MTA1: variants seen among roughly 807,000 people sequenced by gnomAD.
The protein encoded by MTA1 is metastasis-associated protein MTA1.
MTA1 carries 15 observed loss-of-function variants against 97.0 expected under a neutral mutation model. The observed-to-expected ratio is 0.15, with a 90% CI of 0.10 to 0.24. The LOEUF is 0.24. Ranked by LOEUF, MTA1 falls within the 10% of genes least tolerant of loss-of-function variation. MTA1 has a pLI of 1.00. For missense variants in MTA1, 709 were observed against 1,015.1 expected (o/e 0.70, Z 4.10); for synonymous variants, 435 against 417.5 (o/e 1.04, Z -0.51).
intron 1 of MTA1, among the ~76,000 whole-genome samples, chr14:105,426,443 G>A (rs943449113): frequency 6.6e-6 from 1 of 152,074 alleles, no homozygotes; most frequent in Non-Finnish European, 1.5e-5. Flanking sequence ...TCAGGTATGG[G>A]GCACACCTGA....
chr14:105,470,422 G>GC lies in MTA1; in HGVS notation c.*208dup. 2.0e-6 allele frequency: 1 copy of GC among 501,250 alleles called. No homozygotes were observed. Among genetic ancestry groups the GC allele is most frequent in the Non-Finnish European group, 3.4e-6 (1 of 296,964 alleles). The allele number at this position is 501,250 out of a possible 1,614,324, so 31.1% of individuals were successfully genotyped here. A position where few individuals can be genotyped will look rare whatever the true frequency, so the allele number is the denominator to read the frequency against. Reference sequence around the variant, plus strand: ...GAATGCCGAGGAGTTGTCGTTTTTAGCTTTGTGTTTACTTTTTGGCTGGAG... The same window carrying GC: ...GAATGCCGAGGAGTTGTCGTTTTTAGCCTTTGTGTTTACTTTTTGGCTGGAG... On this transcript the variant is annotated 3_prime_UTR_variant, in exon 21 of 21. Coordinates refer to ENST00000331320, the MANE Select transcript of MTA1 (RefSeq NM_004689.4).
At chr14:105,437,795 T>C (rs2082378416) in intron 1 of MTA1, among the ~76,000 whole-genome samples, 1 of 152,180 alleles carries the variant, frequency 6.6e-6, no homozygotes, top group Non-Finnish European at 1.5e-5. Flanking sequence ...CGTGAGGACA[T>C]GGCCTCAGTG....
intron 1 of MTA1, among the ~76,000 whole-genome samples, chr14:105,425,663 TCCACCC>T (rs2081986219): frequency 1.3e-5 from 2 of 151,492 alleles, no homozygotes; most frequent in African/African-American, 4.9e-5. Flanking sequence ...TGCTGGTGTC[TCCACCC>T]CCACCCCCAC....
chr14:105,453,855 C>T (rs1209587470), intron 6 of MTA1, among the ~76,000 whole-genome samples: 1 of 151,336 alleles, frequency 6.6e-6, no homozygotes, highest in Admixed American at 6.6e-5. Context: ...TGGGCTGTAG[C>T]CGTATCCACC....
In MTA1 at chr14:105,449,400, G is replaced by C. The variant is rs782756415; in HGVS notation, c.232G>C (p.Gly78Arg). The change falls in exon 4 of 21, where the codon GGC (glycine) becomes CGC (arginine). Residue 78 changes from glycine (G) to arginine (R), a missense_variant. Gly to Arg is a moderately radical substitution (Grantham distance 125). Around this residue, in one of 2 missense-constraint regions of MTA1, gnomAD observed 321 missense variants for 593.5 expected, o/e 0.54. Coordinates refer to ENST00000331320, the MANE Select transcript of MTA1 (RefSeq NM_004689.4). ...TAAGGCCGGACCGGGGGCGGACAAC[G>C]GCGAGGAAGGTAAGAGCCGGCCTCC... is the stretch of plus-strand genomic sequence containing the variant. ...CYKAGPGADN[G>R]EEGEIEEEME... 1 of 1,611,770 alleles carries C rather than the reference G, an allele frequency of 6.2e-7. No individual in the cohort carries two copies. Among genetic ancestry groups the C allele is most frequent in the African/African-American group, 1.3e-5 (1 of 74,896 alleles).
intron 10 of MTA1, among the ~76,000 whole-genome samples, chr14:105,462,462 G>A (rs964335034): frequency 9.3e-5 from 14 of 151,106 alleles, no homozygotes; most frequent in African/African-American, 2.7e-4. Flanking sequence ...CCAGCTACTC[G>A]GGAGACAGAG....
intron 1 of MTA1, among the ~76,000 whole-genome samples, chr14:105,431,923 G>A (rs1378475243): frequency 6.6e-6 from 1 of 152,204 alleles, no homozygotes; most frequent in African/African-American, 2.4e-5. Context: ...ACTACACCCG[G>A]CCTGTGGAAA....
intron 1 of MTA1, among the ~76,000 whole-genome samples, chr14:105,427,351 A>G (rs960244905): frequency 6.6e-6 from 1 of 152,054 alleles, no homozygotes; most frequent in African/African-American, 2.4e-5. Context: ...TGCTTCTTGC[A>G]TTTGGGGGCT....
At position 105,466,514 on chromosome 14, in the gene MTA1, C is replaced by T. The variant is rs1595424882; in HGVS notation, c.1713C>T (p.Val571=). Residue 571 remains valine (V), a synonymous_variant, in exon 17 of 21, where the codon GTC becomes GTT. Coordinates refer to ENST00000331320, the MANE Select transcript of MTA1 (RefSeq NM_004689.4). Reference sequence around the variant, plus strand: ...TGACGCCCGCCAAGGTGGCCCCCGTCATCAACAACGGCTCCCCCACCATCC... The same window carrying T: ...TGACGCCCGCCAAGGTGGCCCCCGTTATCAACAACGGCTCCCCCACCATCC... ...SSLTPAKVAP[V]INNGSPTILG... 1.9e-6 allele frequency: 3 copies of T among 1,592,656 alleles called. No individual in the cohort carries two copies. The highest frequency in any genetic ancestry group is 2.6e-6 in the Non-Finnish European group (3 of 1,170,606).
intron 18 of MTA1, chr14:105,467,863 T>C: frequency 4.1e-6 from 1 of 241,492 alleles, no homozygotes; most frequent in Non-Finnish European, 8.3e-6. Context: ...GAGCTTTTTG[T>C]TTTGTTTTGT....
At chr14:105,467,380 C>T (rs920128806) in intron 18 of MTA1, 15 of 454,830 alleles carry the variant, frequency 3.3e-5, no homozygotes, top group African/African-American at 2.2e-4. Flanking sequence ...CTTTCACTGA[C>T]GGTGCTGGCC....
intron 1 of MTA1, among the ~76,000 whole-genome samples, chr14:105,433,392 C>T (rs2082238133): frequency 6.6e-6 from 1 of 152,220 alleles, no homozygotes; most frequent in African/African-American, 2.4e-5. Context: ...TGCCACAAGG[C>T]ACCGCGGTAC....
intron 1 of MTA1, among the ~76,000 whole-genome samples, chr14:105,426,375 CAAAAAAAAA>C (rs781801650): frequency 9.6e-6 from 1 of 104,094 alleles, no homozygotes; most frequent in African/African-American, 4.0e-5. Context: ...CTTCGTCTCA[CAAAAAAAAA>C]AAAAAAAAAA....
At chr14:105,426,487 C>G (rs1555422300) in intron 1 of MTA1, among the ~76,000 whole-genome samples, 1 of 151,906 alleles carries the variant, frequency 6.6e-6, no homozygotes, top group African/African-American at 2.4e-5. Flanking sequence ...CTTCAGAGGA[C>G]AGCAAGGGCG....
intron 16 of MTA1, chr14:105,465,396 G>A (rs1205906163): frequency 4.9e-6 from 2 of 404,848 alleles, no homozygotes; most frequent in East Asian, 7.4e-5. Context: ...GGGTCGTGAT[G>A]GGGCCCAGTG....
At position 105,464,448 on chromosome 14, in the gene MTA1, C is replaced by G; in HGVS notation, c.1225C>G (p.Pro409Ala). The stretch of plus-strand genomic sequence containing the variant: ...GTCTTACCAGTGGTATTCTTGGGGT[C>G]CCCCTAACATGCAGTGTCGTCTCTG... ...TQSYQWYSWG[P>A]PNMQCRLCAS... The change falls in exon 14 of 21, where the codon CCC (proline) becomes GCC (alanine). Residue 409 changes from proline (P) to alanine (A), a missense_variant. Physicochemically the swap from Pro to Ala is conservative, Grantham distance 27. This residue lies in a region of MTA1 where 321 missense variants were observed against 593.5 expected (regional missense o/e 0.54). Coordinates refer to ENST00000331320, the MANE Select transcript of MTA1 (RefSeq NM_004689.4). 6 of 1,613,636 alleles carry G rather than the reference C, an allele frequency of 3.7e-6. No individual in the cohort carries two copies. The highest frequency in any genetic ancestry group is 5.1e-6 in the Non-Finnish European group (6 of 1,179,926).
chr14:105,454,261 T>G lies in MTA1; in HGVS notation c.501T>G (p.Ile167Met). 6.2e-7 allele frequency: 1 copy of G among 1,613,756 alleles called. No homozygotes were observed. Among genetic ancestry groups the G allele is most frequent in the Non-Finnish European group, 8.5e-7 (1 of 1,179,778 alleles). Residue 167 changes from isoleucine (I) to methionine (M), a missense_variant, in exon 7 of 21, where the codon ATT becomes ATG. Around this residue, in one of 2 missense-constraint regions of MTA1, gnomAD observed 321 missense variants for 593.5 expected, o/e 0.54. Transcript: ENST00000331320. The stretch of plus-strand genomic sequence containing the variant: ...CCCTGCTGGCAGATAAAGGAGAGAT[T>G]CGAGTAGGAAACCGGTACCAGGCAG... ...QKTLLADKGE[I>M]RVGNRYQADI...
At chr14:105,462,297 G>A (rs907562932) in intron 10 of MTA1, among the ~76,000 whole-genome samples, 20 of 152,210 alleles carry the variant, frequency 1.3e-4, no homozygotes, top group Non-Finnish European at 1.5e-5. Flanking sequence ...CAGCCCGGGC[G>A]CAGTGGCTCA....
chr14:105,458,429 C>T (rs1277830435), intron 8 of MTA1, 57 bp downstream of exon 8: 5 of 1,501,936 alleles, frequency 3.3e-6, no homozygotes, highest in Non-Finnish European at 4.6e-6. Flanking sequence ...TTCTGTTCTC[C>T]CTTCCCTGTG....
Sources: gnomAD v4.1 joint callset for allele counts (sites outside exome capture counted in the v4.1 genomes callset) on GRCh38, gnomAD v4.1.1 for gene constraint, gnomAD v4.1.1 regional missense constraint, MANE v1.5 for transcripts, NCBI Gene and HGNC (gene_info 2026-07-23, HGNC 2026-07-21) for gene names.